The following GPC5 variants were observed in gnomAD, a reference collection of about 807,000 sequenced individuals.
The protein encoded by GPC5 is glypican-5.
GPC5 carries 47 observed loss-of-function variants against 53.9 expected under a neutral mutation model. That is an observed-to-expected ratio of 0.87 (90% CI 0.69 to 1.11). The LOEUF is 1.11. GPC5 is among the 50% of genes most tolerant of loss of function. GPC5 has a pLI of 0.00. For missense variants in GPC5, 748 were observed against 713.1 expected, an observed-to-expected ratio of 1.05 and a Z score of -0.56; for synonymous variants, 286 against 263.3, an observed-to-expected ratio of 1.09 and a Z score of -0.84.
At chr13:92,610,344 A>G (rs1884394427) in intron 7 of GPC5, among the ~76,000 whole-genome samples, 1 of 152,190 alleles carries the variant, frequency 6.6e-6, no homozygotes, top group Non-Finnish European at 1.5e-5. Flanking sequence ...CATAGATCTC[A>G]AAATTTTCCT....
chr13:91,657,355 G>A (rs567521204), intron 2 of GPC5, among the ~76,000 whole-genome samples: 2 of 152,118 alleles, frequency 1.3e-5, no homozygotes, highest in African/African-American at 4.8e-5. Context: ...ATGGATGCTG[G>A]TGCTATTAAC....
intron 7 of GPC5, among the ~76,000 whole-genome samples, chr13:92,431,008 A>G (rs895760688): frequency 6.6e-6 from 1 of 152,188 alleles, no homozygotes; most frequent in Non-Finnish European, 1.5e-5. Flanking sequence ...GCTGATGAGC[A>G]CTATGCAATA....
chr13:91,627,573 C>G (rs1193957773), intron 2 of GPC5, among the ~76,000 whole-genome samples: 2 of 151,992 alleles, frequency 1.3e-5, no homozygotes, highest in African/African-American at 2.4e-5. Context: ...CTCTAAATCT[C>G]TATAGATGGT....
intron 7 of GPC5, among the ~76,000 whole-genome samples, chr13:92,744,135 G>A (rs1889181461): frequency 6.6e-6 from 1 of 152,012 alleles, no homozygotes; most frequent in Non-Finnish European, 1.5e-5. Flanking sequence ...ATAGAAAGTA[G>A]ACAGAGAGGT....
intron 2 of GPC5, among the ~76,000 whole-genome samples, chr13:91,616,215 G>A (rs908135402): frequency 2.0e-5 from 3 of 152,162 alleles, no homozygotes; most frequent in East Asian, 3.9e-4. Flanking sequence ...TCATTATGGA[G>A]CTGGGCACCC....
intron 7 of GPC5, among the ~76,000 whole-genome samples, chr13:92,184,430 C>T (rs556730586): frequency 1.3e-3 from 197 of 152,246 alleles, no homozygotes; most frequent in African/African-American, 4.4e-3. Flanking sequence ...CTCTGAGGGT[C>T]TCAGCTTTAG....
At chr13:91,831,332 C>T (rs1426588298) in intron 5 of GPC5, among the ~76,000 whole-genome samples, 1 of 151,508 alleles carries the variant, frequency 6.6e-6, no homozygotes, top group African/African-American at 2.4e-5. Flanking sequence ...CTTTATATTC[C>T]CTTGAAGCTG....
chr13:91,435,245 G>C (rs745526912), intron 1 of GPC5, among the ~76,000 whole-genome samples: 2 of 152,134 alleles, frequency 1.3e-5, no homozygotes, highest in African/African-American at 4.8e-5. Flanking sequence ...TGGTGAGAGA[G>C]GGCATCCCTG....
intron 6 of GPC5, among the ~76,000 whole-genome samples, chr13:91,976,541 A>G (rs2040303966): frequency 1.3e-5 from 2 of 152,300 alleles, no homozygotes; most frequent in Admixed American, 1.3e-4. Flanking sequence ...CTGTGGGAAA[A>G]CAGGAATTAG....
chr13:92,145,062 T>G (rs1410791324), intron 7 of GPC5, 73 bp downstream of exon 7: 1 of 1,190,104 alleles, frequency 8.4e-7, no homozygotes, highest in Non-Finnish European at 1.1e-6. Context: ...TTGTTATGGA[T>G]GTAAAGAAAT....
At chr13:91,885,141 T>C (rs1408807970) in intron 5 of GPC5, among the ~76,000 whole-genome samples, 1 of 152,158 alleles carries the variant, frequency 6.6e-6, no homozygotes, top group Non-Finnish European at 1.5e-5. Context: ...ATGTTGATTA[T>C]TTTTCTAATA....
At chr13:92,312,451 TAATG>T (rs2043151473) in intron 7 of GPC5, among the ~76,000 whole-genome samples, 2 of 152,166 alleles carry the variant, frequency 1.3e-5, no homozygotes, top group South Asian at 2.1e-4. Context: ...TGTCAAAAAA[TAATG>T]AAAGGAGGTT....
At chr13:91,781,029 G>T (rs1051877309) in intron 5 of GPC5, among the ~76,000 whole-genome samples, 14 of 152,186 alleles carry the variant, frequency 9.2e-5, no homozygotes, top group African/African-American at 2.7e-4. Context: ...AAGTGGGAGA[G>T]AGCATTCTCT....
At chr13:92,697,485 C>G (rs185993609) in intron 7 of GPC5, among the ~76,000 whole-genome samples, 30 of 151,850 alleles carry the variant, frequency 2.0e-4, no homozygotes, top group African/African-American at 6.5e-4. Flanking sequence ...TCACTCATGA[C>G]TTGGCTATTT....
At position 92,040,738 on chromosome 13, in the gene GPC5, C is replaced by T. The variant is rs77349764; in HGVS notation, c.1402-104092C>T. Among the ~76,000 whole-genome samples the T allele has an allele frequency of 8.3e-3, 1,265 of 152,246 alleles. 18 individuals carry two copies. The highest frequency in any genetic ancestry group is 0.028 in the African/African-American group (1,178 of 41,546). On this transcript the variant is annotated intron_variant, in intron 6 of 7. Coordinates refer to ENST00000377067, the MANE Select transcript of GPC5 (RefSeq NM_004466.6). ...TCTGTTTTTAGTCATCTTTATCAAA[C>T]GTATGTATAGCTCAAACCTATTTCT...
chr13:92,430,720 G>A (rs1443293999), intron 7 of GPC5, among the ~76,000 whole-genome samples: 1 of 152,118 alleles, frequency 6.6e-6, no homozygotes, highest in Non-Finnish European at 1.5e-5. Context: ...GCTGAACGTG[G>A]CTAGTAAATT....
chr13:92,297,941 C>G (rs1019034671), intron 7 of GPC5, among the ~76,000 whole-genome samples: 2 of 152,030 alleles, frequency 1.3e-5, no homozygotes, highest in African/African-American at 4.8e-5. Context: ...CTGGGAGGAA[C>G]GAACAACTCC....
intron 5 of GPC5, among the ~76,000 whole-genome samples, chr13:91,818,051 G>A (rs2038427779): frequency 6.6e-6 from 1 of 152,126 alleles, no homozygotes; most frequent in Admixed American, 6.5e-5. Flanking sequence ...TTAATAGTCT[G>A]ATTACTGGAA....
intron 3 of GPC5, among the ~76,000 whole-genome samples, chr13:91,713,276 T>C (rs779586676): frequency 5.9e-5 from 9 of 152,228 alleles, no homozygotes; most frequent in Non-Finnish European, 1.0e-4. Flanking sequence ...ATGAAGCCAC[T>C]AAACTTATAT....
Sources: gnomAD v4.1 joint callset for allele counts (sites outside exome capture counted in the v4.1 genomes callset) on GRCh38, gnomAD v4.1.1 for gene constraint, MANE v1.5 for transcripts, NCBI Gene and HGNC (gene_info 2026-07-23, HGNC 2026-07-21) for gene names.